FLT4: variants seen among roughly 807,000 people sequenced by gnomAD.
FLT4 encodes vascular endothelial growth factor receptor 3.
A neutral mutation model predicts 163.2 loss-of-function variants in FLT4; 30 were observed. The ratio of observed to expected loss-of-function variants is 0.18; its 90% CI spans 0.14 to 0.25. The LOEUF is 0.25. Among genes scored for constraint, FLT4 ranks in the 10% least tolerant of loss-of-function variants. The pLI is 1.00. For synonymous variants in FLT4, 884 were observed against 789.5 expected, an observed-to-expected ratio of 1.12 and a Z score of -2.01; for missense variants, 1,510 against 1,863.8, an observed-to-expected ratio of 0.81 and a Z score of 3.50.
rs745758689 is a variant in FLT4 at position 180,619,307 on chromosome 5, T to G, written c.2707A>C (p.Ile903Leu). The G allele has an allele frequency of 2.8e-5, 45 of 1,610,994 alleles. No individual in the cohort carries two copies. Among genetic ancestry groups the G allele is most frequent in the Non-Finnish European group, 3.7e-5 (44 of 1,179,350 alleles). ...LMSELKILIHIGNHLNVVNLL... is the reference protein window; with the variant it reads ...LMSELKILIHLGNHLNVVNLL... ...TTGACCACGTTGAGGTGGTTGCCGA[T>G]GTGAATGAGGATCTTGAGCTCCGAC... Residue 903 changes from isoleucine to leucine, a missense_variant, in exon 19 of 30, where the codon ATC becomes CTC. Physicochemically the swap from Ile to Leu is conservative, Grantham distance 5 (BLOSUM62 2). Transcript: ENST00000261937.
chr5:180,602,325 G>A lies in FLT4; in HGVS notation c.*867C>T, dbSNP rs1268313614. On this transcript the variant is annotated 3_prime_UTR_variant, in exon 30 of 30. Coordinates refer to ENST00000261937, the MANE Select transcript of FLT4 (RefSeq NM_182925.5). ...CGGCAGCTCCAGACCCAGGCTCCTC[G>A]GAGTCTGGGCCAGGTGGGAGAGCAA... 11 of 289,960 alleles carry A rather than the reference G, an allele frequency of 3.8e-5. No homozygotes were observed. Among genetic ancestry groups the A allele is most frequent in the Admixed American group, 5.2e-5 (1 of 19,236 alleles). The allele number at this position is 289,960 out of a possible 1,614,324, so 18.0% of individuals were successfully genotyped here.
chr5:180,642,852 T>C (rs13168072), intron 1 of FLT4, among the ~76,000 whole-genome samples: 31,062 of 152,160 alleles, frequency 0.2, 3,573 homozygotes, highest in Middle Eastern at 0.32. Flanking sequence ...CAAATTCTCC[T>C]TTCCCAAGAC....
At position 180,602,885 on chromosome 5, in the gene FLT4, G is replaced by GA. The variant is rs1761586399; in HGVS notation, c.*306dup. On this transcript the variant is annotated 3_prime_UTR_variant, in exon 30 of 30. Transcript: ENST00000261937. ...AGTGTGATGAAAGGAGGTCGCCAAA[G>GA]AGACATTCCCATGGAAGTGCTGGCC... 16 of 586,028 alleles carry GA rather than the reference G, an allele frequency of 2.7e-5. No homozygotes were observed. The highest frequency in any genetic ancestry group is 8.9e-4 in the Middle Eastern group (2 of 2,248). 36.3% of individuals were successfully genotyped at this position (586,028 alleles called of 1,614,324 possible). A position where few individuals can be genotyped will look rare whatever the true frequency, so the allele number is the denominator to read the frequency against.
chr5:180,629,687 T>C lies in FLT4; in HGVS notation c.816+9A>G. On this transcript the variant is annotated intron_variant, in intron 6 of 29. Transcript: ENST00000261937. Reference sequence around the variant, plus strand: ...GGACAGGACAGCCTGGCAGCGCTGCTGACCTCACCTGCTTCCCTGGGTAGT... The same window carrying C: ...GGACAGGACAGCCTGGCAGCGCTGCCGACCTCACCTGCTTCCCTGGGTAGT... 1 of 1,610,202 alleles carries C rather than the reference T, an allele frequency of 6.2e-7. No individual in the cohort carries two copies. Among genetic ancestry groups the C allele is most frequent in the Non-Finnish European group, 8.5e-7 (1 of 1,178,898 alleles).
intron 12 of FLT4, 41 bp from the exon 13 acceptor site, chr5:180,621,945 G>A (rs775265681): frequency 4.3e-6 from 7 of 1,610,354 alleles, no homozygotes; most frequent in Non-Finnish European, 5.1e-6. Context: ...TGCCCTGGGA[G>A]TTTGCTCCCC....
At chr5:180,618,680 C>G in intron 21 of FLT4, 90 bp downstream of exon 21, 3 of 1,301,890 alleles carry the variant, frequency 2.3e-6, no homozygotes, top group Non-Finnish European at 3.2e-6. Flanking sequence ...CATGAAAGCC[C>G]CCGCTGAGGA....
At chr5:180,644,074 C>T (rs1765340883) in intron 1 of FLT4, among the ~76,000 whole-genome samples, 2 of 152,190 alleles carry the variant, frequency 1.3e-5, no homozygotes, top group South Asian at 4.1e-4. Flanking sequence ...GCCTTGGCCT[C>T]CCGAAGTGCT....
intron 1 of FLT4, among the ~76,000 whole-genome samples, chr5:180,635,119 G>T (rs561738526): frequency 1.2e-4 from 2 of 17,282 alleles, no homozygotes; most frequent in Non-Finnish European, 1.2e-4. Flanking sequence ...TATGGGTGGA[G>T]GGGTGGGTGG....
intron 1 of FLT4, among the ~76,000 whole-genome samples, chr5:180,641,265 G>A (rs1214559743): frequency 2.0e-5 from 3 of 152,212 alleles, no homozygotes; most frequent in South Asian, 2.1e-4. Context: ...CTGGGCCGGG[G>A]TGTCATCAGC....
intron 21 of FLT4, 120 bp from the exon 22 acceptor site, chr5:180,617,114 C>A (rs1218111158): frequency 1.3e-6 from 1 of 749,824 alleles, no homozygotes; most frequent in Non-Finnish European, 2.3e-6. Context: ...CTCTGGGACA[C>A]CCACATCCTA....
At chr5:180,603,546 T>C (rs1180962499) in intron 29 of FLT4, among the ~76,000 whole-genome samples, 156 bp from the exon 30 acceptor site, 1 of 152,172 alleles carries the variant, frequency 6.6e-6, no homozygotes, top group African/African-American at 2.4e-5. Context: ...ACCCCGTCTC[T>C]ACAAAAAATA....
intron 1 of FLT4, among the ~76,000 whole-genome samples, chr5:180,637,828 C>T (rs976205197): frequency 2.6e-5 from 4 of 152,188 alleles, no homozygotes; most frequent in Admixed American, 2.6e-4. Flanking sequence ...CCATGCCTGG[C>T]CCATCTCCCA....
Position 180,636,366 on chromosome 5 carries a change from TG to T in FLT4, c.59-4589del. ...GGCTTTCTGGCCACGGCACTGGCCC[TG>T]GGCGGTTACTGCCCTCCACCCCACA... is the stretch of plus-strand genomic sequence containing the variant. On this transcript the variant is annotated intron_variant, in intron 1 of 29. Coordinates refer to ENST00000261937, the MANE Select transcript of FLT4 (RefSeq NM_182925.5). This position sits in a 1 kb window ranked among gnomAD's most constrained non-coding sequence, Gnocchi z 4.3. Among the ~76,000 whole-genome samples the T allele has an allele frequency of 6.6e-6, 1 of 152,262 alleles. No individual in the cohort carries two copies.
At chr5:180,635,917 GTGGA>G (rs1289366014) in intron 1 of FLT4, among the ~76,000 whole-genome samples, 60 of 85,938 alleles carry the variant, frequency 7.0e-4, no homozygotes, top group Non-Finnish European at 1.3e-3. Context: ...GGGTGGGTGG[GTGGA>G]TGGATGGATG....
chr5:180,601,541 T>C lies in FLT4; in HGVS notation c.*1651A>G. 4.3e-6 allele frequency: 1 copy of C among 233,142 alleles called. No homozygotes were observed. 14.4% of individuals were successfully genotyped at this position (233,142 alleles called of 1,614,324 possible). A position where few individuals can be genotyped will look rare whatever the true frequency, so the allele number is the denominator to read the frequency against. On this transcript the variant is annotated 3_prime_UTR_variant, in exon 30 of 30. Transcript: ENST00000261937. ...ACACAAAGACCGGCATCAGATTTAT[T>C]ATTATCTCTTGTTAAATATTTTCGA... is the stretch of plus-strand genomic sequence containing the variant.
chr5:180,602,926 G>T lies in FLT4; in HGVS notation c.*266C>A, dbSNP rs1761589076. Reference sequence around the variant, plus strand: ...AGTGCTGGCCCCGGGACCAGCACCTGCGGATGCTGAACTAAATGACATCTG... The same window carrying T: ...AGTGCTGGCCCCGGGACCAGCACCTTCGGATGCTGAACTAAATGACATCTG... On this transcript the variant is annotated 3_prime_UTR_variant, in exon 30 of 30. Transcript: ENST00000261937. 1.7e-6 allele frequency: 1 copy of T among 593,260 alleles called. No homozygotes were observed. The highest frequency in any genetic ancestry group is 3.0e-6 in the Non-Finnish European group (1 of 332,394). The allele number at this position is 593,260 out of a possible 1,614,324, so 36.7% of individuals were successfully genotyped here. A position where few individuals can be genotyped will look rare whatever the true frequency, so the allele number is the denominator to read the frequency against.
intron 18 of FLT4, 55 bp downstream of exon 18, chr5:180,619,610 C>A: frequency 7.0e-7 from 1 of 1,421,762 alleles, no homozygotes; most frequent in Non-Finnish European, 9.9e-7. Flanking sequence ...CCGGCCCACC[C>A]CGAGCTGCTG....
At chr5:180,648,171 C>T (rs1180715691) in intron 1 of FLT4, among the ~76,000 whole-genome samples, 1 of 152,228 alleles carries the variant, frequency 6.6e-6, no homozygotes, top group Non-Finnish European at 1.5e-5. Context: ...CCTGTGGGAG[C>T]CTGGTCCTGG....
At position 180,620,280 on chromosome 5, in the gene FLT4, T is replaced by G; in HGVS notation, c.2435A>C (p.Tyr812Ser). Residue 812 changes from tyrosine (Y) to serine (S), a missense_variant, in exon 17 of 30, where the codon TAC becomes TCC. Physicochemically the swap from Tyr to Ser is moderately radical, Grantham distance 144. This residue lies in a region of FLT4 where 878 missense variants were observed against 1,016.7 expected (regional missense o/e 0.86). Transcript: ENST00000261937. This position sits in a 1 kb window ranked among gnomAD's most constrained non-coding sequence, Gnocchi z 4.4. ...RPAHADIKTG[Y>S]LSIIMDPGEV... ...CCCGGGGTCCATGATGATGGACAGG[T>G]AGCCCGTCTTGATGTCTGCGTGGGC... 6.2e-7 allele frequency: 1 copy of G among 1,612,058 alleles called. No homozygotes were observed. The highest frequency in any genetic ancestry group is 8.5e-7 in the Non-Finnish European group (1 of 1,179,960).
Sources: allele counts gnomAD v4.1 joint callset (sites outside exome capture counted in the v4.1 genomes callset), GRCh38; gene constraint gnomAD v4.1.1; regional missense constraint gnomAD v4.1.1; non-coding constraint Gnocchi (gnomAD v3.1); transcripts MANE v1.5; gene names NCBI Gene and HGNC (gene_info 2026-07-23, HGNC 2026-07-21).